DOCK9: variants seen among roughly 807,000 people sequenced by gnomAD.
DOCK9 encodes dedicator of cytokinesis 9.
DOCK9 carries 89 observed loss-of-function variants against 263.3 expected under a neutral mutation model. The observed-to-expected ratio is 0.34, with a 90% confidence interval of 0.28 to 0.40. DOCK9 has a LOEUF of 0.40. DOCK9 is among the 10% of genes least tolerant of loss of function. The pLI, the probability that DOCK9 is intolerant of heterozygous loss-of-function variation, is 1.00. For missense variants in DOCK9, 2,140 were observed against 2,603.4 expected, an observed-to-expected ratio of 0.82 and a Z score of 3.87; for synonymous variants, 976 against 973.1, an observed-to-expected ratio of 1.00 and a Z score of -0.06.
In DOCK9 at chr13:98,902,489, A is replaced by G; in HGVS notation, c.1179T>C (p.Val393=). The change falls in exon 12 of 53, where the codon GTT becomes GTC. Residue 393 remains valine, a splice_region_variant and synonymous_variant. Transcript: ENST00000682017. ...GGGATAGAGTAACAAAGAAAGGTTCAACCTGAACAAAACAAAACAATCCAA... is the reference window on the plus strand; with the variant it reads ...GGGATAGAGTAACAAAGAAAGGTTCGACCTGAACAAAACAAAACAATCCAA... The part of the protein sequence containing the change: ...AENEEGPTTN[V]EPFFVTLSLF... 2 of 1,613,374 alleles carry G rather than the reference A, an allele frequency of 1.2e-6. No homozygotes were observed. The highest frequency in any genetic ancestry group is 1.7e-6 in the Non-Finnish European group (2 of 1,179,636).
chr13:98,838,118 T>C (rs146426167), intron 38 of DOCK9, among the ~76,000 whole-genome samples: 1 of 152,314 alleles, frequency 6.6e-6, no homozygotes, highest in East Asian at 1.9e-4. Flanking sequence ...AAGCTTCCCA[T>C]GTAGACGGAG....
At chr13:98,819,073 C>T (rs1376506935) in intron 45 of DOCK9, among the ~76,000 whole-genome samples, 1 of 152,192 alleles carries the variant, frequency 6.6e-6, no homozygotes. Flanking sequence ...CACATTTCTA[C>T]TATATCATCA....
At chr13:99,012,248 T>C (rs1283930011) in intron 1 of DOCK9, among the ~76,000 whole-genome samples, 2 of 150,422 alleles carry the variant, frequency 1.3e-5, no homozygotes, top group African/African-American at 5.0e-5. Context: ...TGCTTCAGTA[T>C]AGGGCAAGAA....
chr13:98,904,630 A>G lies in DOCK9; in HGVS notation c.1035+2T>C. 1.3e-6 allele frequency: 2 copies of G among 1,552,554 alleles called. No individual in the cohort carries two copies. The highest frequency in any genetic ancestry group is 1.7e-6 in the Non-Finnish European group (2 of 1,146,300). ...AATATTAAACATTTAGATAGTTCTT[A>G]CCTGGGCATCTGGGTCCAAATAAAA... On this transcript the variant is annotated splice_donor_variant, in intron 10 of 52. Transcript: ENST00000682017. LOFTEE classifies it high-confidence loss of function.
intron 45 of DOCK9, among the ~76,000 whole-genome samples, chr13:98,813,041 A>G (rs1465750556): frequency 2.6e-5 from 4 of 152,258 alleles, no homozygotes; most frequent in Non-Finnish European, 5.9e-5. Context: ...GTAATCATGA[A>G]CTATACAGTA....
chr13:99,042,619 A>G (rs1888570955), intron 1 of DOCK9, among the ~76,000 whole-genome samples: 1 of 152,222 alleles, frequency 6.6e-6, no homozygotes, highest in African/African-American at 2.4e-5. Flanking sequence ...CAAAAGAGGA[A>G]GGAACGTGAA....
chr13:98,860,563 G>A (rs996030483), intron 32 of DOCK9, 41 bp from the exon 33 acceptor site: 7 of 1,516,924 alleles, frequency 4.6e-6, no homozygotes, highest in Non-Finnish European at 6.2e-6. Context: ...AAGATGACTG[G>A]AAAGGATTCC....
At chr13:99,074,835 CTCT>C (rs1237365699) in intron 1 of DOCK9, among the ~76,000 whole-genome samples, 7 of 152,168 alleles carry the variant, frequency 4.6e-5, no homozygotes, top group Admixed American at 1.3e-4. Flanking sequence ...ATTTTGCCTC[CTCT>C]TCTTCTTTTT....
intron 1 of DOCK9, among the ~76,000 whole-genome samples, chr13:99,052,723 C>G (rs370237468): frequency 2.4e-4 from 37 of 151,906 alleles, no homozygotes; most frequent in African/African-American, 8.0e-4. Flanking sequence ...ACGTCAGACT[C>G]CTAAGTAACT....
intron 1 of DOCK9, among the ~76,000 whole-genome samples, chr13:99,038,288 C>CTTTTTTTTTTT (rs71419743): frequency 3.5e-5 from 3 of 86,264 alleles, no homozygotes; most frequent in African/African-American, 4.6e-5. Context: ...TTATGCCCCC[C>CTTTTTTTTTTT]TTTTTTTTTT....
intron 22 of DOCK9, 54 bp downstream of exon 22, chr13:98,883,759 G>A: frequency 8.1e-7 from 1 of 1,230,520 alleles, no homozygotes; most frequent in Non-Finnish European, 1.1e-6. Context: ...TTGCAAAATG[G>A]TGCAAACTTT....
In DOCK9 at chr13:98,804,907, G is replaced by T. The variant is rs2296983; in HGVS notation, c.5725+92C>A. The T allele has an allele frequency of 1.5e-6, 2 of 1,374,668 alleles. No individual in the cohort carries two copies. Among genetic ancestry groups the T allele is most frequent in the Non-Finnish European group, 2.0e-6 (2 of 1,005,092 alleles). The allele number at this position is 1,374,668 out of a possible 1,614,324, so 85.2% of individuals were successfully genotyped here. ...TGGGGGTGGCTAACTGAGCTCGAAA[G>T]ACCCTTCCAGTCCTGAAGCTTCTGA... On this transcript the variant is annotated intron_variant, in intron 49 of 52. Coordinates refer to ENST00000682017, the MANE Select transcript of DOCK9 (RefSeq NM_001366683.2).
intron 6 of DOCK9, 96 bp downstream of exon 6, chr13:98,921,955 G>T: frequency 1.9e-6 from 2 of 1,066,556 alleles, no homozygotes; most frequent in Non-Finnish European, 2.8e-6. Flanking sequence ...CTTTTGTGGG[G>T]AAGAACAGCA....
intron 1 of DOCK9, among the ~76,000 whole-genome samples, chr13:99,044,728 T>C (rs1888792442): frequency 6.6e-6 from 1 of 152,238 alleles, no homozygotes; most frequent in Non-Finnish European, 1.5e-5. Flanking sequence ...ATTAACAATG[T>C]GTTGAAGACA....
chr13:98,883,786 T>A, intron 22 of DOCK9, 27 bp downstream of exon 22: 1 of 1,524,342 alleles, frequency 6.6e-7, no homozygotes, highest in Middle Eastern at 1.7e-4. Context: ...GGGCAGCAAC[T>A]GCTAATTTTG....
At chr13:98,907,823 C>G (rs2049358210) in intron 9 of DOCK9, among the ~76,000 whole-genome samples, 1 of 152,124 alleles carries the variant, frequency 6.6e-6, no homozygotes, top group Admixed American at 6.5e-5. Flanking sequence ...TCAGGGGTAG[C>G]AGGACTTTGC....
intron 30 of DOCK9, among the ~76,000 whole-genome samples, chr13:98,866,299 C>T (rs1350345975): frequency 6.6e-6 from 1 of 152,168 alleles, no homozygotes; most frequent in Non-Finnish European, 1.5e-5. Context: ...TATTCTGAAG[C>T]TCGACACAGT....
At chr13:98,807,089 G>T (rs921636137) in intron 48 of DOCK9, among the ~76,000 whole-genome samples, 2 of 152,152 alleles carry the variant, frequency 1.3e-5, no homozygotes, top group Non-Finnish European at 2.9e-5. Flanking sequence ...CTGACCTCCT[G>T]GAGATGTCCT....
intron 1 of DOCK9, among the ~76,000 whole-genome samples, chr13:99,075,176 T>A (rs1566394380): frequency 6.6e-6 from 1 of 152,168 alleles, no homozygotes; most frequent in Non-Finnish European, 1.5e-5. Context: ...TACACATTAT[T>A]TTATATATTA....
Sources: gnomAD v4.1 joint callset for allele counts (sites outside exome capture counted in the v4.1 genomes callset) on GRCh38, gnomAD v4.1.1 for gene constraint, MANE v1.5 for transcripts, NCBI Gene and HGNC (gene_info 2026-07-23, HGNC 2026-07-21) for gene names.